The following APEX2 variants were observed in gnomAD, a reference collection of about 807,000 sequenced individuals.
The protein encoded by APEX2 is apurinic/apyrimidinic endodeoxyribonuclease 2.
APEX2 carries 4 observed loss-of-function variants against 16.7 expected under a neutral mutation model. The observed-to-expected ratio is 0.24, with a 90% CI of 0.12 to 0.55. APEX2 has a LOEUF of 0.55. Ranked by LOEUF, APEX2 falls within the 20% of genes least tolerant of loss-of-function variation. The probability of loss-of-function intolerance (pLI) is 0.94; values close to 1 mark genes in which losing one functional copy is unlikely to be tolerated. For missense variants in APEX2, 357 were observed against 433.6 expected, an observed-to-expected ratio of 0.82 and a Z score of 1.57; for synonymous variants, 181 against 166.9, an observed-to-expected ratio of 1.08 and a Z score of -0.65.
At chrX:55,003,534 A>G (rs933995575) in intron 4 of APEX2, among the ~76,000 whole-genome samples, 6 of 112,027 alleles carry the variant, frequency 5.4e-5, no homozygotes, top group African/African-American at 6.5e-5. Context: ...TTTGAAGGAC[A>G]AGAAAAATGC....
Position 55,001,541 on chromosome X carries a change from TCCAG to T in APEX2, c.158-4_158-1del. The T allele has an allele frequency of 8.4e-7, 1 of 1,190,057 alleles. No individual in the cohort carries two copies. The highest frequency in any genetic ancestry group is 1.1e-6 in the Non-Finnish European group (1 of 884,075). Reference sequence around the variant, plus strand: ...CTGACTTAATCTTACATTTTTTTTTTCCAGGGGATGCACTGACAGAGCCCCTGGC... The same window carrying T: ...CTGACTTAATCTTACATTTTTTTTTTGGGATGCACTGACAGAGCCCCTGGC... On this transcript the variant is annotated splice_acceptor_variant and splice_polypyrimidine_tract_variant and intron_variant, in intron 1 of 5. Transcript: ENST00000374987. LOFTEE classifies it high-confidence loss of function.
Position 55,007,085 on chromosome X carries a change from T to C in APEX2, c.1207T>C (p.Cys403Arg). 1 of 1,211,748 alleles carries C rather than the reference T, an allele frequency of 8.3e-7. No homozygotes were observed. The highest frequency in any genetic ancestry group is 3.0e-5 in the East Asian group (1 of 33,832). ...LKSYFQPSPSCPQASPDIELP... is the reference protein window; with the variant it reads ...LKSYFQPSPSRPQASPDIELP... ...GAGCTACTTTCAGCCCTCCCCTAGC[T>C]GTCCCCAAGCCTCTCCTGACATAGA... Residue 403 changes from cysteine to arginine, a missense_variant, in exon 6 of 6, where the codon TGT becomes CGT. Cys to Arg is a radical substitution (Grantham distance 180). Coordinates refer to ENST00000374987, the MANE Select transcript of APEX2 (RefSeq NM_014481.4).
At chrX:55,003,653 A>C (rs889063973) in intron 4 of APEX2, 146 bp from the exon 5 acceptor site, 2 of 481,174 alleles carry the variant, frequency 4.2e-6, no homozygotes, top group Non-Finnish European at 7.0e-6. Context: ...TTGTGGTAAG[A>C]TTGGAGAGGT....
chrX:55,008,375 A>G lies in APEX2; in HGVS notation c.*940A>G, dbSNP rs2146710676. On this transcript the variant is annotated 3_prime_UTR_variant, in exon 6 of 6. Coordinates refer to ENST00000374987, the MANE Select transcript of APEX2 (RefSeq NM_014481.4). ...GGATCACCTGAGGTCAGGAGTTCGC[A>G]ACCAGCCTAACATGGTGAGACCCCG... 9.0e-6 allele frequency: 1 copy of G among 111,297 alleles called. No individual in the cohort carries two copies. The highest frequency in any genetic ancestry group is 3.8e-4 in the South Asian group (1 of 2,629). The allele number at this position is 111,297 out of a possible 1,213,427, so 9.2% of individuals were successfully genotyped here.
chrX:55,006,833 A>G lies in APEX2; in HGVS notation c.955A>G (p.Lys319Glu). ...AVLSVSSVPA[K>E]QCPPLCTRFL... is the part of the protein sequence containing the mutation. ...CTTGAGTGTGTCCTCTGTGCCTGCA[A>G]AACAGTGCCCACCTCTGTGCACCCG... The change falls in exon 6 of 6, where the codon AAA becomes GAA. Residue 319 changes from lysine (K) to glutamate (E), a missense_variant. Coordinates refer to ENST00000374987, the MANE Select transcript of APEX2 (RefSeq NM_014481.4). 1 of 1,211,754 alleles carries G rather than the reference A, an allele frequency of 8.3e-7. No individual in the cohort carries two copies. The highest frequency in any genetic ancestry group is 1.7e-5 in the African/African-American group (1 of 57,792).
Position 55,006,609 on chromosome X carries a change from T to A in APEX2, c.731T>A (p.Ile244Asn). The change falls in exon 6 of 6, where the codon ATC (isoleucine) becomes AAC (asparagine). Residue 244 changes from isoleucine (I) to asparagine (N), a missense_variant. By Grantham distance (149) the Ile-to-Asn change is moderately radical. Transcript: ENST00000374987. ...TCTGCCTCTCATGTAGGGCCCTTCA[T>A]CGATAGCTACCGCTGCTTCCAACCA... ...CQSASHVGPF[I>N]DSYRCFQPKQ... 1 of 1,152,175 alleles carries A rather than the reference T, an allele frequency of 8.7e-7. No individual in the cohort carries two copies. Among genetic ancestry groups the A allele is most frequent in the Non-Finnish European group, 1.2e-6 (1 of 865,793 alleles). 95.0% of individuals were successfully genotyped at this position (1,152,175 alleles called of 1,213,427 possible).
At chrX:55,000,959 C>T (rs190301918) in intron 1 of APEX2, among the ~76,000 whole-genome samples, 2 of 108,912 alleles carry the variant, frequency 1.8e-5, no homozygotes, top group East Asian at 2.9e-4. Context: ...CATCTTTGAC[C>T]CCAGCTCAGT....
chrX:55,001,292 C>G (rs1242712047), intron 1 of APEX2, among the ~76,000 whole-genome samples: 1 of 110,520 alleles, frequency 9.0e-6, no homozygotes, highest in Non-Finnish European at 1.9e-5. Flanking sequence ...CTTTCCCCTT[C>G]CCACCTAATT....
In APEX2 at chrX:55,000,472, A is replaced by G. The variant is rs138420763; in HGVS notation, c.50A>G (p.Gln17Arg). ...ATCAATGGGATTCGGAGACCCCTGC[A>G]AGGGGTGGCAAATCAGGAACCCAGC... The part of the protein sequence containing the change: ...WNINGIRRPL[Q>R]GVANQEPSNC... Residue 17 changes from glutamine to arginine, a missense_variant, in exon 1 of 6, where the codon CAA becomes CGA. Coordinates refer to ENST00000374987, the MANE Select transcript of APEX2 (RefSeq NM_014481.4). The G allele has an allele frequency of 1.2e-5, 15 of 1,203,252 alleles. No individual in the cohort carries two copies. In the African/African-American group the frequency reaches 2.5e-4, roughly 20 times the overall value.
Position 55,003,125 on chromosome X carries a change from C to T in APEX2, c.569+17C>T. On this transcript the variant is annotated intron_variant, in intron 4 of 5. Coordinates refer to ENST00000374987, the MANE Select transcript of APEX2 (RefSeq NM_014481.4). ...GGCAGGCAGGTACTGCAAGCCTGGG[C>T]AGTAAGGCTTCCTTGAGTTGGTCCT... 1.7e-6 allele frequency: 2 copies of T among 1,208,753 alleles called. No individual in the cohort carries two copies. The highest frequency in any genetic ancestry group is 3.5e-5 in the African/African-American group (2 of 57,839).
Position 55,007,193 on chromosome X carries a change from CA to C in APEX2, c.1316del (p.Gln439ArgfsTer39), listed in dbSNP as rs1569547686. ...GGCAGTGGCCAAAGTGGTGAAGGGG[CA>C]GGCCAAGACTTCAGAAGCCAAAGAT... The part of the protein sequence containing the change: ...EKAVAKVVKG[Q>X]AKTSEAKDEK... On this transcript the variant is annotated frameshift_variant, in exon 6 of 6. Coordinates refer to ENST00000374987, the MANE Select transcript of APEX2 (RefSeq NM_014481.4). LOFTEE classifies it high-confidence loss of function. 3 of 1,212,069 alleles carry C rather than the reference CA, an allele frequency of 2.5e-6. No homozygotes were observed. The highest frequency in any genetic ancestry group is 3.3e-6 in the Non-Finnish European group (3 of 895,607).
chrX:55,007,400 C>A lies in APEX2; in HGVS notation c.1522C>A (p.Arg508=). The A allele has an allele frequency of 8.5e-7, 1 of 1,178,450 alleles. No individual in the cohort carries two copies. Among genetic ancestry groups the A allele is most frequent in the South Asian group, 2.0e-5 (1 of 51,209 alleles). The change falls in exon 6 of 6, where the codon CGG becomes AGG. Residue 508 remains arginine, a synonymous_variant. Coordinates refer to ENST00000374987, the MANE Select transcript of APEX2 (RefSeq NM_014481.4). ...PRGPPTDPSS[R]CNFFLWSRPS Reference sequence around the variant, plus strand: ...GGGTCCTCCCACTGACCCCTCCTCCCGGTGCAACTTCTTCCTCTGGAGCAG... The same window carrying A: ...GGGTCCTCCCACTGACCCCTCCTCCAGGTGCAACTTCTTCCTCTGGAGCAG...
rs1021929057 is a variant in APEX2, at chrX:55,008,244, G to A, written c.*809G>A. The A allele has an allele frequency of 1.8e-5, 2 of 112,300 alleles. No homozygotes were observed. Among genetic ancestry groups the A allele is most frequent in the Non-Finnish European group, 3.8e-5 (2 of 53,248 alleles). 9.3% of individuals were successfully genotyped at this position (112,300 alleles called of 1,213,427 possible). On this transcript the variant is annotated 3_prime_UTR_variant, in exon 6 of 6. Coordinates refer to ENST00000374987, the MANE Select transcript of APEX2 (RefSeq NM_014481.4). ...AAGTGGGAGCATTGCTTTGAACACA[G>A]TGCTTGCTCTAGCCAAGCCTCTTCT...
rs1672638555 is a variant in APEX2 at position 55,008,476 on chromosome X, C to T, written c.*1041C>T. 3 of 109,964 alleles carry T rather than the reference C, an allele frequency of 2.7e-5. No individual in the cohort carries two copies. The highest frequency in any genetic ancestry group is 1.0e-4 in the African/African-American group (3 of 30,051). 9.1% of individuals were successfully genotyped at this position (109,964 alleles called of 1,213,427 possible). A position where few individuals can be genotyped will look rare whatever the true frequency, so the allele number is the denominator to read the frequency against. On this transcript the variant is annotated 3_prime_UTR_variant, in exon 6 of 6. Coordinates refer to ENST00000374987, the MANE Select transcript of APEX2 (RefSeq NM_014481.4). ...ATCCAAGCTACTTAGGAGGCTGAGACAGGAGAATAGCTTGTACCTGGGAGG... is the reference window on the plus strand; with the variant it reads ...ATCCAAGCTACTTAGGAGGCTGAGATAGGAGAATAGCTTGTACCTGGGAGG...
chrX:55,008,802 G>A lies in APEX2; in HGVS notation c.*1367G>A. 1 of 154,274 alleles carries A rather than the reference G, an allele frequency of 6.5e-6. No individual in the cohort carries two copies. The highest frequency in any genetic ancestry group is 1.2e-5 in the Non-Finnish European group (1 of 80,287). The allele number at this position is 154,274 out of a possible 1,213,427, so 12.7% of individuals were successfully genotyped here. On this transcript the variant is annotated 3_prime_UTR_variant, in exon 6 of 6. Transcript: ENST00000374987. ...GATTTCCAGGGCCCGGATTACCAGT[G>A]AAGCGTCAATCCCTGGATTTTTATT...
At chrX:55,001,850 G>A (rs1033874499) in intron 2 of APEX2, among the ~76,000 whole-genome samples, 1 of 111,962 alleles carries the variant, frequency 8.9e-6, no homozygotes, top group African/African-American at 3.2e-5. Flanking sequence ...TGTGTGAACT[G>A]TGGAGCCAGA....
At chrX:55,002,454 T>C in intron 3 of APEX2, 23 bp downstream of exon 3, 2 of 1,156,078 alleles carry the variant, frequency 1.7e-6, no homozygotes, top group Non-Finnish European at 2.3e-6. Context: ...ATCTCCCTGC[T>C]ACTGAGCACT....
At chrX:55,003,314 T>TA (rs900262150) in intron 4 of APEX2, among the ~76,000 whole-genome samples, 1 of 113,043 alleles carries the variant, frequency 8.8e-6, no homozygotes, top group African/African-American at 3.2e-5. Flanking sequence ...CTCCTGCTCT[T>TA]ACTCATTGTG....
intron 3 of APEX2, 139 bp from the exon 4 acceptor site, chrX:55,002,823 C>T: frequency 1.5e-6 from 1 of 663,093 alleles, no homozygotes; most frequent in Non-Finnish European, 2.2e-6. Context: ...AAGTCCTGTG[C>T]ATGCCAGATC....
Sources: gnomAD v4.1 joint callset for allele counts (sites outside exome capture counted in the v4.1 genomes callset) on GRCh38, gnomAD v4.1.1 for gene constraint, MANE v1.5 for transcripts, NCBI Gene and HGNC (gene_info 2026-07-23, HGNC 2026-07-21) for gene names.